BAIAP3: variants seen among roughly 807,000 people sequenced by gnomAD.
BAIAP3 encodes the protein BAI1 associated protein 3, also known as BAI1-associated protein 3.
A neutral mutation model predicts 149.7 loss-of-function variants in BAIAP3; 180 were observed. The observed-to-expected ratio is 1.20, with a 90% CI of 1.07 to 1.36. The LOEUF (loss-of-function observed/expected upper bound fraction) is 1.36. Among genes scored for constraint, BAIAP3 ranks in the 40% most tolerant of loss-of-function variants. The pLI, the probability that BAIAP3 is intolerant of heterozygous loss-of-function variation, is 0.00. For missense variants in BAIAP3, 1,767 were observed against 1,563.4 expected (o/e 1.13, Z -2.20); for synonymous variants, 845 against 670.7 (o/e 1.26, Z -4.02).
rs775280339 is a variant in BAIAP3, at chr16:1,347,635, C to T, written c.2904+10C>T. ...GGACAAGCTCAAACAGGTAGGGAGG[C>T]GCCAGGGACAGGGTGCTGCCTCCGA... On this transcript the variant is annotated intron_variant, in intron 30 of 33. Coordinates refer to ENST00000426824, the MANE Select transcript of BAIAP3 (RefSeq NM_001199097.2). 3.3e-5 allele frequency: 54 copies of T among 1,612,854 alleles called. No homozygotes were observed. The highest frequency in any genetic ancestry group is 4.2e-5 in the Non-Finnish European group (50 of 1,179,978).
rs780577265 is a variant in BAIAP3, at chr16:1,345,075, G to A, written c.1916G>A (p.Arg639His). The A allele has an allele frequency of 2.5e-5, 41 of 1,612,540 alleles. No homozygotes were observed. Among genetic ancestry groups the A allele is most frequent in the Middle Eastern group, 1.8e-4 (1 of 5,412 alleles). ...ELYLTLADLQ[R>H]FWDSIPGRDS... ...TACCTGACCCTGGCTGACCTCCAGC[G>A]CTTCTGGGATAGCATCCCTGGCCGG... Residue 639 changes from arginine to histidine, a missense_variant, in exon 21 of 34, where the codon CGC becomes CAC. Coordinates refer to ENST00000426824, the MANE Select transcript of BAIAP3 (RefSeq NM_001199097.2).
intron 1 of BAIAP3, among the ~76,000 whole-genome samples, chr16:1,336,787 T>C (rs2141560313): frequency 6.6e-6 from 1 of 152,292 alleles, no homozygotes; most frequent in East Asian, 1.9e-4. Context: ...AACCTGCTGG[T>C]CTTCGTTTCC....
At position 1,346,471 on chromosome 16, in the gene BAIAP3, G is replaced by C. The variant is rs1435744279; in HGVS notation, c.2523G>C (p.Gln841His). The C allele has an allele frequency of 6.2e-7, 1 of 1,612,418 alleles. No homozygotes were observed. Among genetic ancestry groups the C allele is most frequent in the South Asian group, 1.1e-5 (1 of 90,906 alleles). Reference protein sequence around the residue: ...KMVGDIRKYVQHISLSPDSIQ... With the variant: ...KMVGDIRKYVHHISLSPDSIQ... ...TGGGCGACATCCGCAAGTATGTACAGCACATCAGTCTCTCGCCTGACTCCA... is the reference window on the plus strand; with the variant it reads ...TGGGCGACATCCGCAAGTATGTACACCACATCAGTCTCTCGCCTGACTCCA... Residue 841 changes from glutamine to histidine, a missense_variant, in exon 26 of 34, where the codon CAG becomes CAC. Transcript: ENST00000426824.
chr16:1,348,084 C>T lies in BAIAP3; in HGVS notation c.3150-12C>T, dbSNP rs746335753. 6.2e-7 allele frequency: 1 copy of T among 1,601,268 alleles called. No homozygotes were observed. The highest frequency in any genetic ancestry group is 8.5e-7 in the Non-Finnish European group (1 of 1,178,944). On this transcript the variant is annotated splice_polypyrimidine_tract_variant and intron_variant, in intron 32 of 33. Transcript: ENST00000426824. ...TGCCGGAGCGAGACTCCCGACTGGC[C>T]TCTGTCCGCAGTTCCGTGCCTGCCG... is the stretch of plus-strand genomic sequence containing the variant.
In BAIAP3 at chr16:1,348,147, C is replaced by T. The variant is rs773041318; in HGVS notation, c.3201C>T (p.Thr1067=). The change falls in exon 33 of 34, where the codon ACC becomes ACT. Residue 1067 remains threonine (T), a synonymous_variant. Transcript: ENST00000426824. ...GCCGCGCGGCCTGTGTGTTGTTCACCGTCATGGACCACGACTGGCTGTCCA... is the reference window on the plus strand; with the variant it reads ...GCCGCGCGGCCTGTGTGTTGTTCACTGTCATGGACCACGACTGGCTGTCCA... ...CRRRAACVLF[T]VMDHDWLSTN... is the part of the protein sequence containing the mutation. 3.7e-5 allele frequency: 60 copies of T among 1,607,524 alleles called. No homozygotes were observed. The South Asian group carries it at 5.3e-4, about 14-fold the overall frequency.
rs2141599170 is a variant in BAIAP3, at chr16:1,344,313, T to C, written c.1598T>C (p.Leu533Pro). 1 of 1,613,844 alleles carries C rather than the reference T, an allele frequency of 6.2e-7. No individual in the cohort carries two copies. The highest frequency in any genetic ancestry group is 8.5e-7 in the Non-Finnish European group (1 of 1,179,992). The change falls in exon 17 of 34, where the codon CTG (leucine) becomes CCG (proline). Residue 533 changes from leucine to proline, a missense_variant. Coordinates refer to ENST00000426824, the MANE Select transcript of BAIAP3 (RefSeq NM_001199097.2). ...CTGAACATGGACATTGCTGCGGCCCTGAAGGTGTGTTCCAAAGCCCAGTGG... is the reference window on the plus strand; with the variant it reads ...CTGAACATGGACATTGCTGCGGCCCCGAAGGTGTGTTCCAAAGCCCAGTGG... Reference protein sequence around the residue: ...SELNMDIAAALKRGNREWYDR... With the variant: ...SELNMDIAAAPKRGNREWYDR...
chr16:1,343,111 G>A, intron 14 of BAIAP3, 95 bp downstream of exon 14: 1 of 1,132,802 alleles, frequency 8.8e-7, no homozygotes. Context: ...TCGTGGCTGG[G>A]AGGGTGGGGC....
In BAIAP3 at chr16:1,346,469, C is replaced by T. The variant is rs1567171720; in HGVS notation, c.2521C>T (p.Gln841Ter). Residue 841 changes from glutamine (Q) to a stop codon, truncating the protein, a stop_gained, in exon 26 of 34, where the codon CAG becomes TAG. Coordinates refer to ENST00000426824, the MANE Select transcript of BAIAP3 (RefSeq NM_001199097.2). LOFTEE classifies it high-confidence loss of function. The stretch of plus-strand genomic sequence containing the variant: ...GGTGGGCGACATCCGCAAGTATGTA[C>T]AGCACATCAGTCTCTCGCCTGACTC... Reference protein sequence around the residue: ...KMVGDIRKYVQHISLSPDSIQ... With the variant: ...KMVGDIRKYV 1.9e-6 allele frequency: 3 copies of T among 1,612,442 alleles called. No homozygotes were observed. Among genetic ancestry groups the T allele is most frequent in the East Asian group, 2.2e-5 (1 of 44,860 alleles).
Position 1,341,281 on chromosome 16 carries a change from C to T in BAIAP3, c.536-13C>T. On this transcript the variant is annotated splice_polypyrimidine_tract_variant and intron_variant, in intron 7 of 33. Coordinates refer to ENST00000426824, the MANE Select transcript of BAIAP3 (RefSeq NM_001199097.2). ...GGGCGTGGGGCCAGGGCTGAGACGC[C>T]TGCCGTGCCCAGGCTTCAGCGACCC... The T allele has an allele frequency of 6.2e-7, 1 of 1,606,802 alleles. No individual in the cohort carries two copies. Among genetic ancestry groups the T allele is most frequent in the Non-Finnish European group, 8.5e-7 (1 of 1,175,690 alleles).
chr16:1,349,287 A>G lies in BAIAP3; in HGVS notation c.*805A>G. 1 of 870,144 alleles carries G rather than the reference A, an allele frequency of 1.1e-6. No individual in the cohort carries two copies. Among genetic ancestry groups the G allele is most frequent in the South Asian group, 1.5e-5 (1 of 68,598 alleles). The allele number at this position is 870,144 out of a possible 1,614,324, so 53.9% of individuals were successfully genotyped here. A position where few individuals can be genotyped will look rare whatever the true frequency, so the allele number is the denominator to read the frequency against. ...GCGAGAGCGCCGAGGCAGGACACAG[A>G]GCACAGCTGTGCTGGAAGTGTGGGG... On this transcript the variant is annotated 3_prime_UTR_variant, in exon 34 of 34. Transcript: ENST00000426824.
Position 1,344,274 on chromosome 16 carries a change from CCTT to C in BAIAP3, c.1561_1563del (p.Phe521del). 1 of 1,613,908 alleles carries C rather than the reference CCTT, an allele frequency of 6.2e-7. No individual in the cohort carries two copies. On this transcript the variant is annotated inframe_deletion, in exon 17 of 34. Transcript: ENST00000426824. ...TTCCAACCCTCCTTTGAGATCTGCC[CCTT>C]CGAGTCGGAGCTGAACATGGACATT...
At chr16:1,334,672 G>C in intron 1 of BAIAP3, 1 of 1,552,356 alleles carries the variant, frequency 6.4e-7, no homozygotes, top group South Asian at 1.2e-5. Flanking sequence ...ATGAGACCCC[G>C]GGGAGCAGCG....
At chr16:1,343,103 G>C in intron 14 of BAIAP3, 87 bp downstream of exon 14, 2 of 1,299,834 alleles carry the variant, frequency 1.5e-6, no homozygotes, top group Non-Finnish European at 2.1e-6. Context: ...AGTGGATGTC[G>C]TGGCTGGGAG....
rs2033703917 is a variant in BAIAP3 at position 1,339,487 on chromosome 16, C to T, written c.301-9C>T. The T allele has an allele frequency of 1.2e-6, 2 of 1,603,520 alleles. No homozygotes were observed. The highest frequency in any genetic ancestry group is 1.1e-5 in the South Asian group (1 of 90,434). On this transcript the variant is annotated splice_polypyrimidine_tract_variant and intron_variant, in intron 4 of 33. Coordinates refer to ENST00000426824, the MANE Select transcript of BAIAP3 (RefSeq NM_001199097.2). ...CGCGGCACTGTGGCCGCCCTTCCCC[C>T]ACCTGCAGGTGGAGATGCTCTACGA... is the stretch of plus-strand genomic sequence containing the variant.
At position 1,348,287 on chromosome 16, in the gene BAIAP3, G is replaced by A. The variant is rs34235314; in HGVS notation, c.3341G>A (p.Arg1114Gln). ...AGQPVTLHLC[R>Q]PRAQVRSALR... ...CAGCCTGTCACCCTGCACCTGTGCC[G>A]GCCCAGAGCCCAGGGTGAGTGAGCA... Residue 1114 changes from arginine (R) to glutamine (Q), a missense_variant, in exon 33 of 34, where the codon CGG becomes CAG. Transcript: ENST00000426824. 379 of 1,599,548 alleles carry A rather than the reference G, an allele frequency of 2.4e-4. 3 individuals carry two copies. The African/African-American group carries it at 2.7e-3, about 12-fold the overall frequency.
At position 1,343,025 on chromosome 16, in the gene BAIAP3, G is replaced by A; in HGVS notation, c.1265+9G>A. On this transcript the variant is annotated intron_variant, in intron 14 of 33. Coordinates refer to ENST00000426824, the MANE Select transcript of BAIAP3 (RefSeq NM_001199097.2). ...TTGCAGCTGGCCGTGCTGTGAGTGG[G>A]TGGAGCTACGAGTGGGCGGGGAATG... 6.2e-7 allele frequency: 1 copy of A among 1,603,356 alleles called. No individual in the cohort carries two copies. The highest frequency in any genetic ancestry group is 2.2e-5 in the East Asian group (1 of 44,806).
chr16:1,338,554 C>T lies in BAIAP3; in HGVS notation c.5C>T (p.Ser2Leu), dbSNP rs750135265. 8 of 1,608,670 alleles carry T rather than the reference C, an allele frequency of 5.0e-6. No individual in the cohort carries two copies. The highest frequency in any genetic ancestry group is 2.2e-5 in the East Asian group (1 of 44,710). The change falls in exon 2 of 34, where the codon TCG becomes TTG. Residue 2 changes from serine (S) to leucine (L), a missense_variant. Transcript: ENST00000426824. ...CTCTGCTGTAGGTCACCCGCCATGTCGACCTTGCTGGACATTAAGAGCAGC... is the reference window on the plus strand; with the variant it reads ...CTCTGCTGTAGGTCACCCGCCATGTTGACCTTGCTGGACATTAAGAGCAGC... M[S>L]TLLDIKSSVL...
Position 1,349,340 on chromosome 16 carries a change from C to T in BAIAP3, c.*858C>T. 1 of 1,387,116 alleles carries T rather than the reference C, an allele frequency of 7.2e-7. No individual in the cohort carries two copies. Among genetic ancestry groups the T allele is most frequent in the Non-Finnish European group, 1.0e-6 (1 of 975,262 alleles). The allele number at this position is 1,387,116 out of a possible 1,614,324, so 85.9% of individuals were successfully genotyped here. On this transcript the variant is annotated 3_prime_UTR_variant, in exon 34 of 34. Coordinates refer to ENST00000426824, the MANE Select transcript of BAIAP3 (RefSeq NM_001199097.2). Reference sequence around the variant, plus strand: ...AACCCGGACAGCTCAGTCCTGCCAGCAGCCGCAAAGAGCCGAGGCTGCCAG... The same window carrying T: ...AACCCGGACAGCTCAGTCCTGCCAGTAGCCGCAAAGAGCCGAGGCTGCCAG...
Position 1,333,671 on chromosome 16 carries a change from G to T in BAIAP3, c.-89G>T, listed in dbSNP as rs574247236. On this transcript the variant is annotated 5_prime_UTR_variant, in exon 1 of 34. Transcript: ENST00000426824. ...GTCGTCGGCGCGCGCGGCTGGGAGC[G>T]GTAGCTGTGCCTCGGCGTCCCCGAG... The T allele has an allele frequency of 1.3e-5, 2 of 151,918 alleles. No homozygotes were observed. Among genetic ancestry groups the T allele is most frequent in the African/African-American group, 2.4e-5 (1 of 41,514 alleles). The allele number at this position is 151,918 out of a possible 1,614,324, so 9.4% of individuals were successfully genotyped here.
Sources: allele counts gnomAD v4.1 joint callset (sites outside exome capture counted in the v4.1 genomes callset), GRCh38; gene constraint gnomAD v4.1.1; transcripts MANE v1.5; gene names NCBI Gene and HGNC (gene_info 2026-07-23, HGNC 2026-07-21).